F2: variants seen among roughly 807,000 people sequenced by gnomAD.
F2 encodes coagulation factor II, thrombin.
F2 carries 34 observed loss-of-function variants against 81.9 expected under a neutral mutation model. The observed-to-expected ratio is 0.42, with a 90% CI of 0.32 to 0.55. F2 has a LOEUF of 0.55. F2 is among the 20% of genes least tolerant of loss of function. F2 has a pLI of 0.18. For synonymous variants in F2, 296 were observed against 326.4 expected (o/e 0.91, Z 1.01); for missense variants, 630 against 833.4 (o/e 0.76, Z 3.00).
chr11:46,721,259 G>A (rs2064834524), intron 4 of F2, among the ~76,000 whole-genome samples: 1 of 152,126 alleles, frequency 6.6e-6, no homozygotes. Flanking sequence ...GGCCAGGCTG[G>A]TCTTGAACTC....
At chr11:46,735,800 T>C (rs1418283464) in intron 12 of F2, among the ~76,000 whole-genome samples, 3 of 151,636 alleles carry the variant, frequency 2.0e-5, no homozygotes, top group African/African-American at 7.3e-5. Context: ...CACATGTCTG[T>C]AATCCCAGCT....
At position 46,719,534 on chromosome 11, in the gene F2, GGA is replaced by G; in HGVS notation, c.80-166_80-165del. The G allele has an allele frequency of 5.1e-6, 5 of 977,916 alleles. No homozygotes were observed. Among genetic ancestry groups the G allele is most frequent in the Non-Finnish European group, 7.7e-6 (5 of 648,682 alleles). 60.6% of individuals were successfully genotyped at this position (977,916 alleles called of 1,614,324 possible). A position where few individuals can be genotyped will look rare whatever the true frequency, so the allele number is the denominator to read the frequency against. ...CAGGCTGGGGGCAAGGGGCAGTGTA[GGA>G]GGGGCACAGGGGGCCACATTTAGCA... On this transcript the variant is annotated intron_variant, in intron 1 of 13. Coordinates refer to ENST00000311907, the MANE Select transcript of F2 (RefSeq NM_000506.5). The surrounding 1 kb of genome is among the most constrained non-coding windows in gnomAD (Gnocchi z 4.7).
intron 9 of F2, 117 bp from the exon 10 acceptor site, chr11:46,727,879 G>A (rs573949837): frequency 5.1e-5 from 62 of 1,226,636 alleles, no homozygotes; most frequent in Admixed American, 2.4e-4. Flanking sequence ...TTGGATCTGG[G>A]CCCCGGAGGC....
intron 12 of F2, among the ~76,000 whole-genome samples, chr11:46,736,905 G>T (rs933991428): frequency 3.9e-5 from 6 of 152,154 alleles, no homozygotes; most frequent in Non-Finnish European, 8.8e-5. Context: ...CTGGGAGAAT[G>T]GACATATTTT....
chr11:46,720,208 G>C, intron 2 of F2: 1 of 549,816 alleles, frequency 1.8e-6, no homozygotes, highest in South Asian at 2.1e-5. Flanking sequence ...CAAGCCCCCG[G>C]GCTCAAGACT....
rs1227237303 is a variant in F2, at chr11:46,728,678, T to C, written c.1313T>C (p.Ile438Thr). 1.1e-5 allele frequency: 18 copies of C among 1,614,046 alleles called. No individual in the cohort carries two copies. The highest frequency in any genetic ancestry group is 5.0e-5 in the Admixed American group (3 of 60,008). ...GGTCTCTGCAGGTACGAGCGAAACA[T>C]TGAAAAGATATCCATGTTGGAAAAG... ...KHSRTRYERN[I>T]EKISMLEKIY... The change falls in exon 11 of 14, where the codon ATT becomes ACT. Residue 438 changes from isoleucine to threonine, a missense_variant. By Grantham distance (89) the Ile-to-Thr change is moderately conservative (BLOSUM62 -1). Transcript: ENST00000311907. The surrounding 1 kb of genome is among the most constrained non-coding windows in gnomAD (Gnocchi z 5.1).
At chr11:46,736,977 T>C (rs2064947692) in intron 12 of F2, among the ~76,000 whole-genome samples, 1 of 152,210 alleles carries the variant, frequency 6.6e-6, no homozygotes. Context: ...AGTCTATTAT[T>C]GTATCTTTCT....
At chr11:46,731,912 G>GTTTTTTT (rs71042616) in intron 12 of F2, among the ~76,000 whole-genome samples, 17 of 88,178 alleles carry the variant, frequency 1.9e-4, no homozygotes, top group East Asian at 5.8e-4. Flanking sequence ...ACACTTTGAT[G>GTTTTTTT]TTTTTTTTTT....
chr11:46,720,473 A>G (rs770501121), intron 2 of F2, 50 bp from the exon 3 acceptor site: 1 of 1,611,628 alleles, frequency 6.2e-7, no homozygotes, highest in Non-Finnish European at 8.5e-7. Context: ...TTACTAAAAC[A>G]ACACAAAACA....
At position 46,728,310 on chromosome 11, in the gene F2, T is replaced by C. The variant is rs1407831368; in HGVS notation, c.1298+147T>C. 2.1e-6 allele frequency: 2 copies of C among 957,274 alleles called. No homozygotes were observed. Among genetic ancestry groups the C allele is most frequent in the African/African-American group, 3.2e-5 (2 of 61,768 alleles). The allele number at this position is 957,274 out of a possible 1,614,324, so 59.3% of individuals were successfully genotyped here. On this transcript the variant is annotated intron_variant, in intron 10 of 13. Transcript: ENST00000311907. This position sits in a 1 kb window ranked among gnomAD's most constrained non-coding sequence, Gnocchi z 5.1. ...CCAGCAGTCTCTGCTGGAAAGCCCA[T>C]TTGGTCACGTCCTGACTGAGGCTTG...
In F2 at chr11:46,728,952, A is replaced by C; in HGVS notation, c.1472+115A>C. 3.6e-6 allele frequency: 4 copies of C among 1,099,352 alleles called. No individual in the cohort carries two copies. The highest frequency in any genetic ancestry group is 5.4e-6 in the Non-Finnish European group (4 of 746,116). 68.1% of individuals were successfully genotyped at this position (1,099,352 alleles called of 1,614,324 possible). A position where few individuals can be genotyped will look rare whatever the true frequency, so the allele number is the denominator to read the frequency against. On this transcript the variant is annotated intron_variant, in intron 11 of 13. Transcript: ENST00000311907. This position sits in a 1 kb window ranked among gnomAD's most constrained non-coding sequence, Gnocchi z 5.1. ...CCTTTTCCAGGCCTCGGTTTCTTGGAGTGAACCCAAAAGTTCTTTTCAGTA... is the reference window on the plus strand; with the variant it reads ...CCTTTTCCAGGCCTCGGTTTCTTGGCGTGAACCCAAAAGTTCTTTTCAGTA...
At chr11:46,720,655 C>T (rs867940810) in intron 3 of F2, 108 bp downstream of exon 3, 5 of 1,503,612 alleles carry the variant, frequency 3.3e-6, no homozygotes, top group Middle Eastern at 1.7e-4. Context: ...CCATCCACCC[C>T]TTCCCCACTC....
chr11:46,721,347 C>T (rs952655135), intron 4 of F2, among the ~76,000 whole-genome samples: 2 of 151,976 alleles, frequency 1.3e-5, no homozygotes, highest in Non-Finnish European at 2.9e-5. Flanking sequence ...GCCATGAATT[C>T]ATGTTTAAGG....
Position 46,728,531 on chromosome 11 carries a change from G to T in F2, c.1299-133G>T. ...AAGAAACACCCAGGGGGCTGCCATG[G>T]CAGGAACCAGCCCTATCCCCTCCCT... On this transcript the variant is annotated intron_variant, in intron 10 of 13. Coordinates refer to ENST00000311907, the MANE Select transcript of F2 (RefSeq NM_000506.5). The surrounding 1 kb of genome is among the most constrained non-coding windows in gnomAD (Gnocchi z 5.1). 1 of 1,020,492 alleles carries T rather than the reference G, an allele frequency of 9.8e-7. No homozygotes were observed. Among genetic ancestry groups the T allele is most frequent in the Non-Finnish European group, 1.5e-6 (1 of 672,920 alleles). 63.2% of individuals were successfully genotyped at this position (1,020,492 alleles called of 1,614,324 possible). A position where few individuals can be genotyped will look rare whatever the true frequency, so the allele number is the denominator to read the frequency against.
In F2 at chr11:46,723,331, C is replaced by G; in HGVS notation, c.422+46C>G. 1 of 1,613,516 alleles carries G rather than the reference C, an allele frequency of 6.2e-7. No homozygotes were observed. The highest frequency in any genetic ancestry group is 8.5e-7 in the Non-Finnish European group (1 of 1,179,476). On this transcript the variant is annotated intron_variant, in intron 5 of 13. Coordinates refer to ENST00000311907, the MANE Select transcript of F2 (RefSeq NM_000506.5). This position sits in a 1 kb window ranked among gnomAD's most constrained non-coding sequence, Gnocchi z 5.6. ...CCCACCATGGGCTGAGAACAGGGAG[C>G]AAGCGTACCTCAAGCCCAACAGCCT...
rs2064826078 is a variant in F2, at chr11:46,719,975, A to T, written c.240+113A>T. On this transcript the variant is annotated intron_variant, in intron 2 of 13. Transcript: ENST00000311907. The surrounding 1 kb of genome is among the most constrained non-coding windows in gnomAD (Gnocchi z 4.7). The stretch of plus-strand genomic sequence containing the variant: ...CAGCCCCTTCGCTGCTCACAGCCTC[A>T]TTTCAACTCTGAGCCCCTCCTCACA... 7.1e-7 allele frequency: 1 copy of T among 1,405,084 alleles called. No individual in the cohort carries two copies. The highest frequency in any genetic ancestry group is 9.7e-7 in the Non-Finnish European group (1 of 1,031,530). 87.0% of individuals were successfully genotyped at this position (1,405,084 alleles called of 1,614,324 possible). A position where few individuals can be genotyped will look rare whatever the true frequency, so the allele number is the denominator to read the frequency against.
chr11:46,725,255 G>T (rs867611511), intron 6 of F2, among the ~76,000 whole-genome samples: 1 of 151,852 alleles, frequency 6.6e-6, no homozygotes, highest in Non-Finnish European at 1.5e-5. Flanking sequence ...TTTTAGTAGA[G>T]ACGGGGTTTC....
At position 46,739,459 on chromosome 11, in the gene F2, T is replaced by C; in HGVS notation, c.*51T>C. On this transcript the variant is annotated 3_prime_UTR_variant, in exon 14 of 14. Coordinates refer to ENST00000311907, the MANE Select transcript of F2 (RefSeq NM_000506.5). Reference sequence around the variant, plus strand: ...GGAACCAATCCCGTGAAAGAATTATTTTTGTGTTTCTAAAACTATGGTTCC... The same window carrying C: ...GGAACCAATCCCGTGAAAGAATTATCTTTGTGTTTCTAAAACTATGGTTCC... The C allele has an allele frequency of 6.2e-7, 1 of 1,611,358 alleles. No homozygotes were observed. The highest frequency in any genetic ancestry group is 1.1e-5 in the South Asian group (1 of 90,892).
rs2064852305 is a variant in F2 at position 46,723,516 on chromosome 11, G to T, written c.557G>T (p.Cys186Phe). Reference protein sequence around the residue: ...VRRQECSIPVCGQDQVTVAMT... With the variant: ...VRRQECSIPVFGQDQVTVAMT... Reference sequence around the variant, plus strand: ...AGGCAGGAATGCAGCATCCCTGTCTGTGGTAAGCTGGGGGCAGTGGGGCGG... The same window carrying T: ...AGGCAGGAATGCAGCATCCCTGTCTTTGGTAAGCTGGGGGCAGTGGGGCGG... The change falls in exon 6 of 14, where the codon TGT becomes TTT. Residue 186 changes from cysteine (C) to phenylalanine (F), a missense_variant and splice_region_variant. Cys to Phe is a radical substitution (Grantham distance 205). Coordinates refer to ENST00000311907, the MANE Select transcript of F2 (RefSeq NM_000506.5). The surrounding 1 kb of genome is among the most constrained non-coding windows in gnomAD (Gnocchi z 5.6). 1 of 1,611,282 alleles carries T rather than the reference G, an allele frequency of 6.2e-7. No homozygotes were observed.
Sources: gnomAD v4.1 joint callset for allele counts (sites outside exome capture counted in the v4.1 genomes callset) on GRCh38, gnomAD v4.1.1 for gene constraint, Gnocchi (gnomAD v3.1) non-coding constraint, MANE v1.5 for transcripts, NCBI Gene and HGNC (gene_info 2026-07-23, HGNC 2026-07-21) for gene names.